CLPSL2: variants seen among roughly 807,000 people sequenced by gnomAD.
CLPSL2 encodes the protein colipase-like protein 2.
In CLPSL2, 4 loss-of-function variants were observed where a neutral mutation model predicts 7.9. The observed-to-expected ratio is 0.50, with a 90% CI of 0.25 to 1.15. The LOEUF is 1.15. CLPSL2 is among the 50% of genes most tolerant of loss of function. CLPSL2 has a pLI of 0.15. For synonymous variants in CLPSL2, 67 were observed against 53.1 expected (o/e 1.26, Z -1.14); for missense variants, 132 against 136.6 (o/e 0.97, Z 0.17).
chr6:35,777,747 C>T lies in CLPSL2; in HGVS notation c.207+166C>T, dbSNP rs1384848046. ...GGTGCAAAACAACTCCAGCCACCTC[C>T]TCTGAGAAGGCTTCCCTCCTTGGAG... On this transcript the variant is annotated intron_variant, in intron 2 of 2. Transcript: ENST00000403376. 7 of 796,152 alleles carry T rather than the reference C, an allele frequency of 8.8e-6. No homozygotes were observed. The East Asian group carries it at 1.3e-4, about 15-fold the overall frequency. The allele number at this position is 796,152 out of a possible 1,614,324, so 49.3% of individuals were successfully genotyped here. A position where few individuals can be genotyped will look rare whatever the true frequency, so the allele number is the denominator to read the frequency against.
chr6:35,778,008 T>C, intron 2 of CLPSL2: 1 of 673,068 alleles, frequency 1.5e-6, no homozygotes. Context: ...CAGGCTAGAG[T>C]GCAATGGCAT....
intron 1 of CLPSL2, 52 bp downstream of exon 1, chr6:35,776,754 C>A: frequency 7.5e-7 from 1 of 1,331,314 alleles, no homozygotes; most frequent in Non-Finnish European, 9.6e-7. Context: ...AGGGTGGCCC[C>A]GCCGCCGGGG....
intron 1 of CLPSL2, 151 bp downstream of exon 1, chr6:35,776,853 G>A: frequency 4.8e-6 from 3 of 627,200 alleles, no homozygotes; most frequent in East Asian, 3.5e-5. Context: ...ATCCTCAGAC[G>A]GACTTCAAAA....
Position 35,776,643 on chromosome 6 carries a change from G to GCGGGGGTCCTGT in CLPSL2, c.32_43dup (p.Val11_Gly14dup). ...CATGGCCGCAGCCCTGGCGCTCGTG[G>GCGGGGGTCCTGT]CGGGGGTCCTGTCGGGGGCGGTGCT... On this transcript the variant is annotated inframe_insertion, in exon 1 of 3. Transcript: ENST00000403376. The GCGGGGGTCCTGT allele has an allele frequency of 2.0e-6, 3 of 1,497,066 alleles. No homozygotes were observed. The highest frequency in any genetic ancestry group is 2.7e-6 in the Non-Finnish European group (3 of 1,130,678). The allele number at this position is 1,497,066 out of a possible 1,614,324, so 92.7% of individuals were successfully genotyped here. A position where few individuals can be genotyped will look rare whatever the true frequency, so the allele number is the denominator to read the frequency against.
At chr6:35,777,135 C>A (rs553704167) in intron 1 of CLPSL2, among the ~76,000 whole-genome samples, 51 of 152,260 alleles carry the variant, frequency 3.3e-4, no homozygotes, top group African/African-American at 1.1e-3. Context: ...GAGCCCGCAG[C>A]CCCTTCATTC....
In CLPSL2 at chr6:35,779,543, A is replaced by G; in HGVS notation, c.*93A>G. The stretch of plus-strand genomic sequence containing the variant: ...ATCCAGCTCCTGAGACATTAAAGTC[A>G]CTTCCTGTCCTTGGCCTCTGTCTGT... On this transcript the variant is annotated 3_prime_UTR_variant, in exon 3 of 3. Coordinates refer to ENST00000403376, the MANE Select transcript of CLPSL2 (RefSeq NM_207409.4). 6.5e-7 allele frequency: 1 copy of G among 1,546,154 alleles called. No homozygotes were observed. Among genetic ancestry groups the G allele is most frequent in the Non-Finnish European group, 8.8e-7 (1 of 1,142,368 alleles).
At chr6:35,777,735 TC>T in intron 2 of CLPSL2, 154 bp downstream of exon 2, 2 of 830,842 alleles carry the variant, frequency 2.4e-6, no homozygotes, top group Non-Finnish European at 3.9e-6. Flanking sequence ...GCAAAACAAC[TC>T]CAGCCACCTC....
chr6:35,777,394 C>T (rs370985249), intron 1 of CLPSL2, 65 bp from the exon 2 acceptor site: 4 of 1,568,700 alleles, frequency 2.5e-6, no homozygotes, highest in East Asian at 2.2e-5. Context: ...GGGAACCCTC[C>T]CCTACCCGCC....
intron 2 of CLPSL2, among the ~76,000 whole-genome samples, chr6:35,778,435 C>A (rs1046798464): frequency 7.2e-5 from 11 of 152,212 alleles, no homozygotes; most frequent in African/African-American, 2.4e-5. Context: ...GAGTTTAAAT[C>A]CTGACTTTTC....
At position 35,778,061 on chromosome 6, in the gene CLPSL2, T is replaced by C; in HGVS notation, c.207+480T>C. The C allele has an allele frequency of 5.2e-6, 3 of 575,392 alleles. No homozygotes were observed. In the South Asian group the frequency reaches 5.2e-5, roughly 10 times the overall value. The allele number at this position is 575,392 out of a possible 1,614,324, so 35.6% of individuals were successfully genotyped here. On this transcript the variant is annotated intron_variant, in intron 2 of 2. Coordinates refer to ENST00000403376, the MANE Select transcript of CLPSL2 (RefSeq NM_207409.4). The stretch of plus-strand genomic sequence containing the variant: ...ACCTCTGCCTCCTGGGTTCAAGCGA[T>C]TCTTGGGCCTCAGCCTCCCGAGTAG...
chr6:35,779,207 C>T (rs1767910854), intron 2 of CLPSL2, 148 bp from the exon 3 acceptor site: 1 of 571,876 alleles, frequency 1.7e-6, no homozygotes, highest in African/African-American at 1.9e-5. Flanking sequence ...CATTGACTTG[C>T]TGAAGGTCAC....
In CLPSL2 at chr6:35,777,592, A is replaced by T; in HGVS notation, c.207+11A>T. The T allele has an allele frequency of 6.2e-7, 1 of 1,607,810 alleles. No homozygotes were observed. The highest frequency in any genetic ancestry group is 1.1e-5 in the South Asian group (1 of 90,404). On this transcript the variant is annotated intron_variant, in intron 2 of 2. Coordinates refer to ENST00000403376, the MANE Select transcript of CLPSL2 (RefSeq NM_207409.4). ...ATCTGCTTGCCCCAGGTGAGGCCCT[A>T]GTATGGGGCAACTTCTGGCAAGTAG...
Position 35,776,660 on chromosome 6 carries a change from G to A in CLPSL2, c.42G>A (p.Gly14=). 1.3e-6 allele frequency: 2 copies of A among 1,493,052 alleles called. No individual in the cohort carries two copies. The highest frequency in any genetic ancestry group is 1.8e-6 in the Non-Finnish European group (2 of 1,128,856). The allele number at this position is 1,493,052 out of a possible 1,614,324, so 92.5% of individuals were successfully genotyped here. A position where few individuals can be genotyped will look rare whatever the true frequency, so the allele number is the denominator to read the frequency against. Residue 14 remains glycine, a synonymous_variant, in exon 1 of 3, where the codon GGG becomes GGA. Coordinates refer to ENST00000403376, the MANE Select transcript of CLPSL2 (RefSeq NM_207409.4). The part of the protein sequence containing the change: ...ALALVAGVLS[G]AVLPLWSALP... The stretch of plus-strand genomic sequence containing the variant: ...CGCTCGTGGCGGGGGTCCTGTCGGG[G>A]GCGGTGCTGCCCCTCTGGAGCGCGC...
At chr6:35,776,914 G>T in intron 1 of CLPSL2, 1 of 453,994 alleles carries the variant, frequency 2.2e-6, no homozygotes, top group Non-Finnish European at 3.8e-6. Flanking sequence ...ATTGGCCTAT[G>T]ACCAGCACCC....
chr6:35,779,255 A>G (rs1357866791), intron 2 of CLPSL2, 100 bp from the exon 3 acceptor site: 4 of 924,234 alleles, frequency 4.3e-6, no homozygotes, highest in Non-Finnish European at 6.5e-6. Context: ...GGTCTGTCTT[A>G]CTCCAGGCCT....
intron 1 of CLPSL2, 40 bp downstream of exon 1, chr6:35,776,742 A>G (rs1767843987): frequency 6.7e-6 from 9 of 1,351,322 alleles, no homozygotes; most frequent in Non-Finnish European, 8.5e-6. Flanking sequence ...CGACCGCAGG[A>G]GAGGGTGGCC....
At chr6:35,778,350 C>G (rs1446446395) in intron 2 of CLPSL2, among the ~76,000 whole-genome samples, 2 of 152,248 alleles carry the variant, frequency 1.3e-5, no homozygotes, top group Non-Finnish European at 2.9e-5. Context: ...TCCCCATCTC[C>G]CTGCCACAGT....
In CLPSL2 at chr6:35,777,547, C is replaced by T. The variant is rs1354801058; in HGVS notation, c.173C>T (p.Pro58Leu). Reference protein sequence around the residue: ...DLDSGGAFCAPRARITMICLP... With the variant: ...DLDSGGAFCALRARITMICLP... ...GACTCCGGTGGAGCCTTCTGTGCCC[C>T]CAGGGCCAGAATAACCATGATCTGC... Residue 58 changes from proline to leucine, a missense_variant, in exon 2 of 3, where the codon CCC becomes CTC. Transcript: ENST00000403376. 5 of 1,613,760 alleles carry T rather than the reference C, an allele frequency of 3.1e-6. No individual in the cohort carries two copies. The South Asian group carries it at 3.3e-5, about 11-fold the overall frequency.
chr6:35,777,776 C>T lies in CLPSL2; in HGVS notation c.207+195C>T, dbSNP rs1286716156. Reference sequence around the variant, plus strand: ...GAGAAGGCTTCCCTCCTTGGAGCTCCTGTACCCTGGGGTCAGACCCTCAGC... The same window carrying T: ...GAGAAGGCTTCCCTCCTTGGAGCTCTTGTACCCTGGGGTCAGACCCTCAGC... On this transcript the variant is annotated intron_variant, in intron 2 of 2. Transcript: ENST00000403376. The T allele has an allele frequency of 7.0e-5, 51 of 733,250 alleles. No individual in the cohort carries two copies. In the East Asian group the frequency reaches 1.4e-3, roughly 20 times the overall value. 45.4% of individuals were successfully genotyped at this position (733,250 alleles called of 1,614,324 possible).
Sources: allele counts gnomAD v4.1 joint callset (sites outside exome capture counted in the v4.1 genomes callset), GRCh38; gene constraint gnomAD v4.1.1; transcripts MANE v1.5; gene names NCBI Gene and HGNC (gene_info 2026-07-23, HGNC 2026-07-21).